Variants in LOXL4 observed in about 807,000 individuals in gnomAD.
The protein encoded by LOXL4 is lysyl oxidase like 4, also known as lysyl oxidase homolog 4.
A neutral mutation model predicts 89.1 loss-of-function variants in LOXL4; 72 were observed. The ratio of observed to expected loss-of-function variants is 0.81; its 90% CI spans 0.67 to 0.98. LOXL4 has a LOEUF of 0.98. Ranked by LOEUF, LOXL4 falls within the 50% of genes least tolerant of loss-of-function variation. LOXL4 has a pLI of 0.00. For synonymous variants in LOXL4, 355 were observed against 392.1 expected (o/e 0.91, Z 1.12); for missense variants, 984 against 1,017.5 (o/e 0.97, Z 0.45).
Position 98,253,738 on chromosome 10 carries a change from G to C in LOXL4, c.1650C>G (p.Asp550Glu). The C allele has an allele frequency of 6.2e-7, 1 of 1,614,220 alleles. No homozygotes were observed. Among genetic ancestry groups the C allele is most frequent in the Non-Finnish European group, 8.5e-7 (1 of 1,180,042 alleles). The change falls in exon 11 of 15, where the codon GAC becomes GAG. Residue 550 changes from aspartate to glutamate, a missense_variant. Transcript: ENST00000260702. The part of the protein sequence containing the change: ...QLVQETAYLE[D>E]RPLSQLYCAH... ...CACAATACAGCTGGCTGAGCGGGCGGTCCTCCAAGTAGGCCGTCTCCTGCA... is the reference window on the plus strand; with the variant it reads ...CACAATACAGCTGGCTGAGCGGGCGCTCCTCCAAGTAGGCCGTCTCCTGCA...
rs373205890 is a variant in LOXL4, at chr10:98,258,013, C to G, written c.1073G>C (p.Arg358Pro). Residue 358 changes from arginine to proline, a missense_variant, in exon 7 of 15, where the codon CGG (arginine) becomes CCG (proline). By Grantham distance (103) the Arg-to-Pro change is moderately radical. Coordinates refer to ENST00000260702, the MANE Select transcript of LOXL4 (RefSeq NM_032211.7). ...VCRQLGFGSA[R>P]EALFGARLGQ... is the part of the protein sequence containing the mutation. ...CAGCCGGGCCCCAAAGAGGGCCTCC[C>G]GAGCAGAGCCAAAGCCCAGCTGACG... The G allele has an allele frequency of 3.1e-6, 5 of 1,613,762 alleles. No homozygotes were observed. The Admixed American group carries it at 5.0e-5, about 16-fold the overall frequency.
At chr10:98,260,630 A>G (rs1031802731) in intron 4 of LOXL4, among the ~76,000 whole-genome samples, 1 of 152,080 alleles carries the variant, frequency 6.6e-6, no homozygotes, top group African/African-American at 2.4e-5. Flanking sequence ...GTGAAGCAAG[A>G]AATCTGGGCA....
rs556134774 is a variant in LOXL4, at chr10:98,250,359, CACTT to C, written c.2200+702_2200+705del. 1.1e-4 allele frequency among the ~76,000 whole-genome samples: 17 copies of C among 152,322 alleles called. No homozygotes were observed. In the South Asian group the frequency reaches 2.5e-3, roughly 22 times the overall value. ...TTGCATGTGTGCATACCCTATCTGA[CACTT>C]ACATTCCCAGTTTCTGGGGCACAGC... On this transcript the variant is annotated intron_variant, in intron 14 of 14. Coordinates refer to ENST00000260702, the MANE Select transcript of LOXL4 (RefSeq NM_032211.7).
At chr10:98,249,754 G>A (rs1858134097) in intron 14 of LOXL4, among the ~76,000 whole-genome samples, 1 of 152,152 alleles carries the variant, frequency 6.6e-6, no homozygotes, top group Non-Finnish European at 1.5e-5. Context: ...CCTGATTCTA[G>A]CATTATGGAG....
At chr10:98,253,145 A>C (rs1858253400) in intron 11 of LOXL4, among the ~76,000 whole-genome samples, 1 of 152,226 alleles carries the variant, frequency 6.6e-6, no homozygotes, top group Non-Finnish European at 1.5e-5. Flanking sequence ...TGAAGGAATC[A>C]GCGAGCTTTT....
chr10:98,259,091 A>C lies in LOXL4; in HGVS notation c.839T>G (p.Met280Arg), dbSNP rs771528945. The C allele has an allele frequency of 2.5e-6, 4 of 1,599,178 alleles. No homozygotes were observed. Among genetic ancestry groups the C allele is most frequent in the Non-Finnish European group, 3.4e-6 (4 of 1,172,738 alleles). The change falls in exon 6 of 15, where the codon ATG becomes AGG. Residue 280 changes from methionine (M) to arginine (R), a missense_variant. Met to Arg is a moderately conservative substitution (Grantham distance 91). Coordinates refer to ENST00000260702, the MANE Select transcript of LOXL4 (RefSeq NM_032211.7). Reference protein sequence around the residue: ...GKLRPACPGGMHAVVSCVAGP... With the variant: ...GKLRPACPGGRHAVVSCVAGP... Reference sequence around the variant, plus strand: ...TGCCACACAGCTGACCACAGCGTGCATGCCACCTGGGCAGGCTGGCCGCAG... The same window carrying C: ...TGCCACACAGCTGACCACAGCGTGCCTGCCACCTGGGCAGGCTGGCCGCAG...
chr10:98,252,519 T>A (rs1447879721), intron 11 of LOXL4, 51 bp from the exon 12 acceptor site: 5 of 1,311,832 alleles, frequency 3.8e-6, no homozygotes, highest in Non-Finnish European at 5.5e-6. Context: ...GAGGGTCCTC[T>A]CTGGAGGGGC....
In LOXL4 at chr10:98,262,887, G is replaced by A. The variant is rs1247903160; in HGVS notation, c.133C>T (p.Arg45Cys). 6.8e-6 allele frequency: 11 copies of A among 1,613,548 alleles called. No homozygotes were observed. Among genetic ancestry groups the A allele is most frequent in the Middle Eastern group, 3.3e-4 (2 of 6,078 alleles). ...VGPESKPEEGRLEVLHQGQWG... is the reference protein window; with the variant it reads ...VGPESKPEEGCLEVLHQGQWG... ...TGGCCCTGGTGCAGCACCTCCAGGC[G>A]GCCCTCCTCTGGCTTGCTCTCTGGG... is the stretch of plus-strand genomic sequence containing the variant. Residue 45 changes from arginine to cysteine, a missense_variant, in exon 2 of 15, where the codon CGC becomes TGC. By Grantham distance (180) the Arg-to-Cys change is radical. Transcript: ENST00000260702.
rs748731372 is a variant in LOXL4 at position 98,251,607 on chromosome 10, C to T, written c.2047G>A (p.Val683Met). The stretch of plus-strand genomic sequence containing the variant: ...CCGGGGCCCACATCTGTGATATCCA[C>T]CCACTGGCAATCAATGTCATGCCGG... ...TYRHDIDCQW[V>M]DITDVGPGNY... The change falls in exon 13 of 15, where the codon GTG becomes ATG. Residue 683 changes from valine (V) to methionine (M), a missense_variant. Transcript: ENST00000260702. The T allele has an allele frequency of 1.1e-5, 17 of 1,614,138 alleles. No homozygotes were observed. The highest frequency in any genetic ancestry group is 1.7e-5 in the Admixed American group (1 of 60,010).
At position 98,262,889 on chromosome 10, in the gene LOXL4, CCCT is replaced by C; in HGVS notation, c.128_130del (p.Glu43del). On this transcript the variant is annotated inframe_deletion, in exon 2 of 15. Coordinates refer to ENST00000260702, the MANE Select transcript of LOXL4 (RefSeq NM_032211.7). Reference sequence around the variant, plus strand: ...GCCCTGGTGCAGCACCTCCAGGCGGCCCTCCTCTGGCTTGCTCTCTGGGCCCAC... The same window carrying C: ...GCCCTGGTGCAGCACCTCCAGGCGGCCCTCTGGCTTGCTCTCTGGGCCCAC... 1 of 1,613,712 alleles carries C rather than the reference CCCT, an allele frequency of 6.2e-7. No individual in the cohort carries two copies. Among genetic ancestry groups the C allele is most frequent in the Admixed American group, 1.7e-5 (1 of 60,034 alleles).
At position 98,261,258 on chromosome 10, in the gene LOXL4, C is replaced by T. The variant is rs532585372; in HGVS notation, c.457-131G>A. Reference sequence around the variant, plus strand: ...CATCCCACCCAGCCCGGTCATTGAACAGGCCAGGAAACTGAGGCCCAGAGA... The same window carrying T: ...CATCCCACCCAGCCCGGTCATTGAATAGGCCAGGAAACTGAGGCCCAGAGA... On this transcript the variant is annotated intron_variant, in intron 3 of 14. Transcript: ENST00000260702. 261 of 934,984 alleles carry T rather than the reference C, an allele frequency of 2.8e-4. 2 individuals carry two copies. In the African/African-American group the frequency reaches 3.6e-3, roughly 13 times the overall value. The allele number at this position is 934,984 out of a possible 1,614,324, so 57.9% of individuals were successfully genotyped here.
intron 1 of LOXL4, among the ~76,000 whole-genome samples, chr10:98,266,140 C>T (rs948727965): frequency 6.6e-6 from 1 of 152,116 alleles, no homozygotes; most frequent in Non-Finnish European, 1.5e-5. Context: ...CAAACCACTC[C>T]CCAGATGGCA....
At chr10:98,267,939 G>T (rs570954426) in intron 1 of LOXL4, among the ~76,000 whole-genome samples, 193 bp downstream of exon 1, 2 of 152,162 alleles carry the variant, frequency 1.3e-5, no homozygotes, top group Non-Finnish European at 2.9e-5. Flanking sequence ...CCCCAGCGTG[G>T]TCACTTGTCC....
intron 11 of LOXL4, among the ~76,000 whole-genome samples, chr10:98,252,964 C>G (rs1858246610): frequency 6.6e-6 from 1 of 152,252 alleles, no homozygotes; most frequent in Non-Finnish European, 1.5e-5. Flanking sequence ...TTCCTTTCCA[C>G]TTTCTCCACC....
At chr10:98,254,649 TGTC>T (rs1464373042) in intron 10 of LOXL4, among the ~76,000 whole-genome samples, 2 of 152,210 alleles carry the variant, frequency 1.3e-5, no homozygotes, top group Non-Finnish European at 2.9e-5. Flanking sequence ...TGTGCCAAGT[TGTC>T]GTGAAGGATC....
At position 98,256,546 on chromosome 10, in the gene LOXL4, A is replaced by AT. The variant is rs1373122799; in HGVS notation, c.1428+233dup. 1.1e-5 allele frequency: 6 copies of AT among 566,928 alleles called. No individual in the cohort carries two copies. The South Asian group carries it at 1.3e-4, about 13-fold the overall frequency. The allele number at this position is 566,928 out of a possible 1,614,324, so 35.1% of individuals were successfully genotyped here. On this transcript the variant is annotated intron_variant, in intron 9 of 14. Transcript: ENST00000260702. ...ATTCCTCCTCCACCTTGTCTGACTA[A>AT]TTTCTATTCATCTTTCCTGCAGATG...
intron 14 of LOXL4, among the ~76,000 whole-genome samples, chr10:98,250,421 T>C (rs558670724): frequency 1.3e-5 from 2 of 152,354 alleles, no homozygotes; most frequent in African/African-American, 4.8e-5. Flanking sequence ...AGTAAATGTT[T>C]GTTGACTAAA....
chr10:98,252,635 C>T (rs1257314975), intron 11 of LOXL4, among the ~76,000 whole-genome samples, 167 bp from the exon 12 acceptor site: 2 of 152,202 alleles, frequency 1.3e-5, no homozygotes, highest in African/African-American at 4.8e-5. Context: ...CGCACAGCCT[C>T]CTTTGCTGGC....
chr10:98,256,654 G>A (rs1360771046), intron 9 of LOXL4, 126 bp downstream of exon 9: 7 of 1,058,010 alleles, frequency 6.6e-6, no homozygotes, highest in East Asian at 2.4e-5. Context: ...CATCATGTCG[G>A]CTCATAGTTT....
Sources: allele counts gnomAD v4.1 joint callset (sites outside exome capture counted in the v4.1 genomes callset), GRCh38; gene constraint gnomAD v4.1.1; transcripts MANE v1.5; gene names NCBI Gene and HGNC (gene_info 2026-07-23, HGNC 2026-07-21).